SETBP1: variants seen among roughly 807,000 people sequenced by gnomAD.
The protein encoded by SETBP1 is SET binding protein 1.
In SETBP1, 9 loss-of-function variants were observed where a neutral mutation model predicts 101.0. The observed-to-expected ratio is 0.09, with a 90% CI of 0.05 to 0.16. The LOEUF (loss-of-function observed/expected upper bound fraction) is 0.16. SETBP1 is among the 10% of genes least tolerant of loss of function. SETBP1 has a pLI of 1.00. For synonymous variants in SETBP1, 818 were observed against 788.5 expected, an observed-to-expected ratio of 1.04 and a Z score of -0.63; for missense variants, 1,858 against 2,033.8, an observed-to-expected ratio of 0.91 and a Z score of 1.66.
Position 44,950,555 on chromosome 18 carries a change from C to A in SETBP1, c.1215C>A (p.Pro405=). The A allele has an allele frequency of 3.7e-6, 6 of 1,614,086 alleles. No homozygotes were observed. Among genetic ancestry groups the A allele is most frequent in the Non-Finnish European group, 4.2e-6 (5 of 1,180,042 alleles). The change falls in exon 4 of 6, where the codon CCC becomes CCA. Residue 405 remains proline (P), a synonymous_variant. Transcript: ENST00000649279. ...NDSSHVRITI[P]IKAPSLDPTN... Reference sequence around the variant, plus strand: ...CAAGTCATGTCCGGATTACTATCCCCATCAAGGCACCCTCTCTGGATCCAA... The same window carrying A: ...CAAGTCATGTCCGGATTACTATCCCAATCAAGGCACCCTCTCTGGATCCAA...
At chr18:44,713,963 A>G (rs1599023417) in intron 2 of SETBP1, among the ~76,000 whole-genome samples, 1 of 152,184 alleles carries the variant, frequency 6.6e-6, no homozygotes, top group Non-Finnish European at 1.5e-5. Context: ...ATCCTTTTCT[A>G]TGTATTCTGT....
intron 3 of SETBP1, among the ~76,000 whole-genome samples, chr18:44,937,410 C>T (rs973138952): frequency 1.4e-5 from 2 of 147,916 alleles, no homozygotes; most frequent in South Asian, 2.2e-4. Flanking sequence ...AGCCGAGATC[C>T]CGCCACTGCA....
chr18:44,701,572 G>T lies in SETBP1; in HGVS notation c.226G>T (p.Asp76Tyr). ...GRDVDSNSNADSEKWVAGDGL... is the reference protein window; with the variant it reads ...GRDVDSNSNAYSEKWVAGDGL... ...GGATGTGGATTCCAACTCCAACGCG[G>T]ACAGTGAGAAATGGGTGGCAGGAGA... Residue 76 changes from aspartate (D) to tyrosine (Y), a missense_variant, in exon 2 of 6, where the codon GAC becomes TAC. This residue lies in a region of SETBP1 where 97 missense variants were observed against 101.2 expected (regional missense o/e 0.96). Transcript: ENST00000649279. The T allele has an allele frequency of 6.2e-7, 1 of 1,614,220 alleles. No homozygotes were observed. The highest frequency in any genetic ancestry group is 8.5e-7 in the Non-Finnish European group (1 of 1,180,042).
chr18:44,759,501 CTCTT>C (rs2070587667), intron 2 of SETBP1, among the ~76,000 whole-genome samples: 1 of 152,194 alleles, frequency 6.6e-6, no homozygotes, highest in Non-Finnish European at 1.5e-5. Context: ...TTTGAGCTGA[CTCTT>C]GTCAGTTTCG....
intron 2 of SETBP1, among the ~76,000 whole-genome samples, chr18:44,813,574 GA>G (rs2071909807): frequency 6.6e-6 from 1 of 152,124 alleles, no homozygotes; most frequent in Non-Finnish European, 1.5e-5. Flanking sequence ...TGAGAAGCTG[GA>G]ACCAGCTCCC....
intron 4 of SETBP1, among the ~76,000 whole-genome samples, chr18:44,964,932 C>G (rs995238223): frequency 2.0e-5 from 3 of 152,046 alleles, no homozygotes; most frequent in African/African-American, 7.2e-5. Flanking sequence ...ATTATCCAAA[C>G]GGGGATACAT....
intron 5 of SETBP1, among the ~76,000 whole-genome samples, chr18:45,050,856 A>G (rs890381161): frequency 6.6e-6 from 1 of 152,204 alleles, no homozygotes; most frequent in African/African-American, 2.4e-5. Context: ...GTTACTCAAA[A>G]ATTCTCCTCC....
chr18:44,996,697 A>G (rs896288889), intron 4 of SETBP1, among the ~76,000 whole-genome samples: 1 of 152,210 alleles, frequency 6.6e-6, no homozygotes, highest in African/African-American at 2.4e-5. Context: ...CCATTTTACA[A>G]GATGGAGAAC....
Position 44,767,154 on chromosome 18 carries a change from G to A in SETBP1, c.486+65322G>A, listed in dbSNP as rs1364896630. On this transcript the variant is annotated intron_variant, in intron 2 of 5. Coordinates refer to ENST00000649279, the MANE Select transcript of SETBP1 (RefSeq NM_015559.3). ...TAAAAAGGCTGTCCAAGAGGAATGA[G>A]CTCCCACAGGAAGTAGTCATCTCCC... 6.6e-5 allele frequency among the ~76,000 whole-genome samples: 10 copies of A among 152,216 alleles called. No homozygotes were observed. The East Asian group carries it at 1.9e-3, about 29-fold the overall frequency.
At chr18:44,699,305 G>A (rs2069073382) in intron 1 of SETBP1, among the ~76,000 whole-genome samples, 2 of 152,184 alleles carry the variant, frequency 1.3e-5, no homozygotes, top group African/African-American at 2.4e-5. Flanking sequence ...CACTGAGAAA[G>A]ACCTACTGGA....
chr18:44,922,645 G>C (rs1463034330), intron 3 of SETBP1, among the ~76,000 whole-genome samples: 1 of 152,184 alleles, frequency 6.6e-6, no homozygotes, highest in Non-Finnish European at 1.5e-5. Flanking sequence ...CTTTGGAGCA[G>C]CTGTTGAGAG....
chr18:44,712,506 A>G (rs956107565), intron 2 of SETBP1, among the ~76,000 whole-genome samples: 1 of 152,188 alleles, frequency 6.6e-6, no homozygotes, highest in Non-Finnish European at 1.5e-5. Context: ...GTAGCTCCTC[A>G]TGGTGGATCA....
intron 4 of SETBP1, among the ~76,000 whole-genome samples, chr18:45,000,412 A>G (rs1367520640): frequency 6.6e-6 from 1 of 152,120 alleles, no homozygotes; most frequent in East Asian, 1.9e-4. Flanking sequence ...CAGCCCATGT[A>G]TTGCCCTGAG....
intron 2 of SETBP1, among the ~76,000 whole-genome samples, chr18:44,868,667 CGAGA>C (rs147824825): frequency 0.014 from 1,255 of 87,048 alleles, 35 homozygotes; most frequent in Middle Eastern, 0.037. Context: ...TGTACTCCAG[CGAGA>C]GAGAGAGAGA....
chr18:44,955,839 G>A (rs976667025), intron 4 of SETBP1, among the ~76,000 whole-genome samples: 6 of 152,162 alleles, frequency 3.9e-5, no homozygotes, highest in Admixed American at 6.5e-5. Flanking sequence ...CTTCCCTAAG[G>A]CATCTGCACA....
At chr18:44,998,656 T>C (rs1326140833) in intron 4 of SETBP1, among the ~76,000 whole-genome samples, 1 of 152,200 alleles carries the variant, frequency 6.6e-6, no homozygotes, top group Non-Finnish European at 1.5e-5. Context: ...CAATGTGTCT[T>C]CTGCCCTCCT....
In SETBP1 at chr18:44,793,505, G is replaced by A. The variant is rs532307114; in HGVS notation, c.487-75725G>A. Among the ~76,000 whole-genome samples the A allele has an allele frequency of 1.9e-3, 296 of 152,304 alleles. 2 individuals carry two copies. The highest frequency in any genetic ancestry group is 1.9e-3 in the Non-Finnish European group (131 of 68,024). On this transcript the variant is annotated intron_variant, in intron 2 of 5. Coordinates refer to ENST00000649279, the MANE Select transcript of SETBP1 (RefSeq NM_015559.3). ...CATTACCTGGGAACTTGTTAGAAAC[G>A]CCTATACTTGGACCCCACCCCAGAC... is the stretch of plus-strand genomic sequence containing the variant.
At chr18:44,989,124 G>A (rs1427731555) in intron 4 of SETBP1, 1 of 152,050 alleles carries the variant, frequency 6.6e-6, no homozygotes, top group African/African-American at 2.4e-5. Context: ...GAAGCAACAA[G>A]GAGTAAAATT....
chr18:44,712,923 G>A (rs1460502301), intron 2 of SETBP1, among the ~76,000 whole-genome samples: 1 of 149,498 alleles, frequency 6.7e-6, no homozygotes, highest in African/African-American at 2.5e-5. Flanking sequence ...AATTAGAAGA[G>A]CCTCTGAGCA....
Sources: allele counts gnomAD v4.1 joint callset (sites outside exome capture counted in the v4.1 genomes callset), GRCh38; gene constraint gnomAD v4.1.1; regional missense constraint gnomAD v4.1.1; transcripts MANE v1.5; gene names NCBI Gene and HGNC (gene_info 2026-07-23, HGNC 2026-07-21).